Variants in ZNF618 observed in about 807,000 individuals in gnomAD.
The protein encoded by ZNF618 is zinc finger protein 618, also known as neural precursor cell expressed, developmentally down-regulated 10.
Under a neutral mutation model 103.0 loss-of-function variants are expected in ZNF618, and 34 were observed. That is an observed-to-expected ratio of 0.33 (90% CI 0.25 to 0.44). The LOEUF is 0.44. Ranked by LOEUF, ZNF618 falls within the 20% of genes least tolerant of loss-of-function variation. The pLI, the probability that ZNF618 is intolerant of heterozygous loss-of-function variation, is 1.00. For synonymous variants in ZNF618, 551 were observed against 542.2 expected (o/e 1.02, Z -0.23); for missense variants, 1,059 against 1,295.4 (o/e 0.82, Z 2.80).
At chr9:113,998,418 A>T (rs746611237) in intron 4 of ZNF618, 64 bp downstream of exon 4, 132 of 1,429,428 alleles carry the variant, frequency 9.2e-5, no homozygotes, top group Non-Finnish European at 1.2e-4. Context: ...ACAGCTGGAC[A>T]CAGCCATCAG....
At chr9:113,884,774 C>CAGAGAGAGAGAG (rs3034065) in intron 1 of ZNF618, among the ~76,000 whole-genome samples, 1 of 142,168 alleles carries the variant, frequency 7.0e-6, no homozygotes, top group Admixed American at 7.0e-5. Context: ...CACAAACACA[C>CAGAGAGAGAGAG]AGAGAGAGAG....
At position 114,002,085 on chromosome 9, in the gene ZNF618, G is replaced by A; in HGVS notation, c.511+12G>A. ...GCGGGCGCACCGAGGTGAGAGGAGTGTCCCTGGGGCAGAGCCCAGGGGCCG... is the reference window on the plus strand; with the variant it reads ...GCGGGCGCACCGAGGTGAGAGGAGTATCCCTGGGGCAGAGCCCAGGGGCCG... On this transcript the variant is annotated intron_variant, in intron 5 of 14. Coordinates refer to ENST00000374126, the MANE Select transcript of ZNF618 (RefSeq NM_001318042.2). The A allele has an allele frequency of 6.2e-7, 1 of 1,611,306 alleles. No individual in the cohort carries two copies. Among genetic ancestry groups the A allele is most frequent in the Non-Finnish European group, 8.5e-7 (1 of 1,179,350 alleles).
Position 113,980,120 on chromosome 9 carries a change from A to G in ZNF618, c.78-8201A>G, listed in dbSNP as rs118101385. On this transcript the variant is annotated intron_variant, in intron 2 of 14. Coordinates refer to ENST00000374126, the MANE Select transcript of ZNF618 (RefSeq NM_001318042.2). ...TGACAGAAGAGGAAGAGTCAAAGAT[A>G]GTTCTAGAGTCTGGGCAGCAGGAGC... Among the ~76,000 whole-genome samples, 825 of 152,302 alleles carry G rather than the reference A, an allele frequency of 5.4e-3. 6 individuals are homozygous for G. The highest frequency in any genetic ancestry group is 9.2e-3 in the Non-Finnish European group (623 of 68,028).
At chr9:114,027,585 TTTGGGC>T (rs752949472) in intron 10 of ZNF618, among the ~76,000 whole-genome samples, 1 of 152,234 alleles carries the variant, frequency 6.6e-6, no homozygotes, top group Non-Finnish European at 1.5e-5. Flanking sequence ...ATCCTGCTTC[TTTGGGC>T]TGAGCTTCGC....
rs768838530 is a variant in ZNF618, at chr9:114,032,703, G to C, written c.1143G>C (p.Thr381=). Reference sequence around the variant, plus strand: ...AAGCACAAAACCACTTTGAAGAGACGAACAGCAGTTCGCAGAACTCCAGCG... The same window carrying C: ...AAGCACAAAACCACTTTGAAGAGACCAACAGCAGTTCGCAGAACTCCAGCG... ...EGKAQNHFEE[T]NSSSQNSSEP... is the part of the protein sequence containing the mutation. The change falls in exon 12 of 15, where the codon ACG becomes ACC. Residue 381 remains threonine (T), a synonymous_variant. Transcript: ENST00000374126. 6.8e-6 allele frequency: 11 copies of C among 1,614,038 alleles called. No individual in the cohort carries two copies. Among genetic ancestry groups the C allele is most frequent in the Non-Finnish European group, 8.5e-6 (10 of 1,179,894 alleles).
At chr9:113,876,766 C>T (rs1409652660) in intron 1 of ZNF618, among the ~76,000 whole-genome samples, 1 of 151,060 alleles carries the variant, frequency 6.6e-6, no homozygotes, top group Non-Finnish European at 1.5e-5. Flanking sequence ...CAGCTCTGCC[C>T]CCTCCCCCCC....
intron 9 of ZNF618, chr9:114,016,180 T>C: frequency 6.2e-7 from 1 of 1,613,248 alleles, no homozygotes; most frequent in East Asian, 2.2e-5. Flanking sequence ...GAGGTAAAGA[T>C]AAAGTCGGGT....
intron 1 of ZNF618, among the ~76,000 whole-genome samples, chr9:113,914,682 A>G (rs1831901958): frequency 6.6e-6 from 1 of 152,242 alleles, no homozygotes; most frequent in Non-Finnish European, 1.5e-5. Context: ...TGCTAATTAT[A>G]AAAACATCTT....
chr9:113,955,313 A>T (rs7032101), intron 1 of ZNF618, among the ~76,000 whole-genome samples: 4 of 149,434 alleles, frequency 2.7e-5, no homozygotes, highest in East Asian at 2.0e-4. Flanking sequence ...CCCCACCCCC[A>T]CACTGCAAAG....
At position 113,903,362 on chromosome 9, in the gene ZNF618, A is replaced by G. The variant is rs182538943; in HGVS notation, c.33+26949A>G. On this transcript the variant is annotated intron_variant, in intron 1 of 14. Transcript: ENST00000374126. ...GTATATCACCCTAGGTCTTTTTCTT[A>G]TACATTTACAGATACAACTGGGAGC... Among the ~76,000 whole-genome samples the G allele has an allele frequency of 1.1e-4, 17 of 152,260 alleles. 1 individual carries two copies. The highest frequency in any genetic ancestry group is 4.1e-4 in the African/African-American group (17 of 41,546).
At position 114,019,953 on chromosome 9, in the gene ZNF618, C is replaced by T. The variant is rs149241232; in HGVS notation, c.844+3169C>T. Among the ~76,000 whole-genome samples, 256 of 152,270 alleles carry T rather than the reference C, an allele frequency of 1.7e-3. 1 individual carries two copies. The Middle Eastern group carries it at 0.02, about 12-fold the overall frequency. ...TGGTAAAGATACCCTGTTTTATTAT[C>T]TTTTAGAAGCCTTGTAATTTTAGCT... On this transcript the variant is annotated intron_variant, in intron 10 of 14. Coordinates refer to ENST00000374126, the MANE Select transcript of ZNF618 (RefSeq NM_001318042.2).
chr9:113,986,729 A>G (rs927117252), intron 2 of ZNF618, among the ~76,000 whole-genome samples: 1 of 152,138 alleles, frequency 6.6e-6, no homozygotes, highest in Non-Finnish European at 1.5e-5. Flanking sequence ...GGGGGCACAT[A>G]GTTCAGTCCA....
intron 2 of ZNF618, among the ~76,000 whole-genome samples, chr9:113,978,961 A>G (rs1328354640): frequency 2.0e-5 from 3 of 152,118 alleles, no homozygotes; most frequent in Admixed American, 6.5e-5. Context: ...CATTTGCATC[A>G]TGACTGTCCT....
At chr9:114,016,857 T>C in intron 10 of ZNF618, 73 bp downstream of exon 10, 1 of 1,252,470 alleles carries the variant, frequency 8.0e-7, no homozygotes, top group Non-Finnish European at 1.1e-6. Flanking sequence ...TGGCCAGGCC[T>C]CTGGAATTTG....
chr9:114,001,357 C>T (rs928943949), intron 4 of ZNF618, among the ~76,000 whole-genome samples: 2 of 152,022 alleles, frequency 1.3e-5, no homozygotes, highest in African/African-American at 2.4e-5. Flanking sequence ...GTGTGGGGGG[C>T]GGTCCTCTCC....
At chr9:113,896,613 A>G (rs1362710497) in intron 1 of ZNF618, among the ~76,000 whole-genome samples, 3 of 151,978 alleles carry the variant, frequency 2.0e-5, no homozygotes, top group African/African-American at 7.2e-5. Flanking sequence ...CCACTTTTAT[A>G]TATCATTGAC....
At chr9:113,884,097 G>T (rs1283137394) in intron 1 of ZNF618, among the ~76,000 whole-genome samples, 2 of 145,366 alleles carry the variant, frequency 1.4e-5, no homozygotes, top group Non-Finnish European at 3.0e-5. Flanking sequence ...TGTAGGTTTT[G>T]TAATTTTGCT....
chr9:113,956,119 G>T (rs2132448800), intron 1 of ZNF618, among the ~76,000 whole-genome samples: 1 of 141,552 alleles, frequency 7.1e-6, no homozygotes, highest in South Asian at 2.3e-4. Context: ...TGAGGCAGGA[G>T]AATTGCTTGA....
At chr9:113,888,511 G>A (rs894447609) in intron 1 of ZNF618, among the ~76,000 whole-genome samples, 1 of 152,238 alleles carries the variant, frequency 6.6e-6, no homozygotes, top group African/African-American at 2.4e-5. Flanking sequence ...GGGGCCTCCC[G>A]GATTCAGAAT....
Sources: gnomAD v4.1 joint callset for allele counts (sites outside exome capture counted in the v4.1 genomes callset) on GRCh38, gnomAD v4.1.1 for gene constraint, MANE v1.5 for transcripts, NCBI Gene and HGNC (gene_info 2026-07-23, HGNC 2026-07-21) for gene names.